The following GC variants were observed in gnomAD, a reference collection of about 807,000 sequenced individuals.
The protein encoded by GC is GC vitamin D binding protein, also known as vitamin D-binding protein.
In GC, 43 loss-of-function variants were observed where a neutral mutation model predicts 56.7. The observed-to-expected ratio is 0.76, with a 90% CI of 0.59 to 0.98. The LOEUF (loss-of-function observed/expected upper bound fraction) is 0.98, where lower values mean the gene tolerates loss of function less well. GC is among the 50% of genes least tolerant of loss of function. The probability of loss-of-function intolerance (pLI) is 0.00; values close to 1 mark genes in which losing one functional copy is unlikely to be tolerated. For synonymous variants in GC, 216 were observed against 202.7 expected (o/e 1.07, Z -0.56); for missense variants, 529 against 545.9 (o/e 0.97, Z 0.31).
intron 10 of GC, among the ~76,000 whole-genome samples, chr4:71,753,036 T>C (rs980339999): frequency 2.6e-5 from 4 of 152,296 alleles, no homozygotes; most frequent in Admixed American, 2.6e-4. Flanking sequence ...TGCCTTTTTT[T>C]CCTCTCATAA....
rs1175351403 is a variant in GC at position 71,799,710 on chromosome 4, C to T, written c.21+4216G>A. Among the ~76,000 whole-genome samples, 9 of 152,182 alleles carry T rather than the reference C, an allele frequency of 5.9e-5. 1 individual carries two copies. The South Asian group carries it at 1.9e-3, about 31-fold the overall frequency. On this transcript the variant is annotated intron_variant, in intron 1 of 13. Coordinates refer to the GC transcript ENST00000504199. ...GATTTTACCTGGGAGGAGAAGCATA[C>T]TCTAGCATAGAGAGCTCTGAATCTC...
intron 1 of GC, among the ~76,000 whole-genome samples, chr4:71,799,158 A>G (rs1328105247): frequency 6.6e-6 from 1 of 152,184 alleles, no homozygotes; most frequent in Non-Finnish European, 1.5e-5. Flanking sequence ...AAGTCTCTGG[A>G]AGTGGTTCTA....
chr4:71,763,339 A>T lies in GC; in HGVS notation c.701+69T>A, dbSNP rs1742046003. 4 of 730,996 alleles carry T rather than the reference A, an allele frequency of 5.5e-6. No individual in the cohort carries two copies. The East Asian group carries it at 1.1e-4, about 19-fold the overall frequency. 45.3% of individuals were successfully genotyped at this position (730,996 alleles called of 1,614,324 possible). On this transcript the variant is annotated intron_variant, in intron 6 of 12. Transcript: ENST00000273951. ...TTCAATATAGACAGCTTCTTAAAAA[A>T]ACCCTAATATTATGGATAGACAGTG...
intron 8 of GC, 74 bp downstream of exon 8, chr4:71,756,638 C>T: frequency 1.1e-6 from 1 of 919,012 alleles, no homozygotes; most frequent in South Asian, 1.4e-5. Context: ...TACCTTCCCT[C>T]CATCTGGCTG....
At chr4:71,793,497 A>C (rs1451199699) in intron 1 of GC, among the ~76,000 whole-genome samples, 3 of 152,136 alleles carry the variant, frequency 2.0e-5, no homozygotes, top group Non-Finnish European at 1.5e-5. Context: ...ATTTTTATAC[A>C]TTGATTTTGT....
upstream of GC, chr4:71,784,092 T>C (rs759485981): frequency 1.3e-6 from 2 of 1,541,568 alleles, no homozygotes; most frequent in South Asian, 2.6e-5. Context: ...CCAAAAGTAA[T>C]TGGTTTCCTT....
At chr4:71,803,715 T>C (rs1192732057) in intron 1 of GC, among the ~76,000 whole-genome samples, 1 of 152,222 alleles carries the variant, frequency 6.6e-6, no homozygotes, top group Non-Finnish European at 1.5e-5. Context: ...TGAATGGATA[T>C]AGATGAGAGC....
At position 71,741,749 on chromosome 4, in the gene GC, T is replaced by C; in HGVS notation, c.*147A>G. On this transcript the variant is annotated 3_prime_UTR_variant, in exon 13 of 13. Transcript: ENST00000273951. ...TGATAGCAAATCATCATACTTGTCA[T>C]TGTATGAAGATATTGTAGCTAGAAA... 1 of 688,018 alleles carries C rather than the reference T, an allele frequency of 1.5e-6. No individual in the cohort carries two copies. The highest frequency in any genetic ancestry group is 2.7e-5 in the East Asian group (1 of 37,168). 42.6% of individuals were successfully genotyped at this position (688,018 alleles called of 1,614,324 possible).
chr4:71,773,033 T>G (rs996188499), intron 1 of GC, among the ~76,000 whole-genome samples: 3 of 152,116 alleles, frequency 2.0e-5, no homozygotes, highest in Admixed American at 1.3e-4. Flanking sequence ...AATAAATGTT[T>G]TTGGTGTAAA....
At chr4:71,749,947 A>C (rs554018280) in intron 11 of GC, among the ~76,000 whole-genome samples, 1 of 152,316 alleles carries the variant, frequency 6.6e-6, no homozygotes, top group Admixed American at 6.5e-5. Context: ...AGAAACCAGA[A>C]TCCCTAAGGT....
chr4:71,803,789 T>C, intron 1 of GC: 1 of 659,944 alleles, frequency 1.5e-6, no homozygotes, highest in Non-Finnish European at 2.7e-6. Context: ...CACTTTCTTA[T>C]ATTTTTAATT....
rs552349013 is a variant in GC, at chr4:71,781,050, C to T, written c.58+2911G>A. Among the ~76,000 whole-genome samples the T allele has an allele frequency of 2.0e-5, 3 of 152,164 alleles. No homozygotes were observed. In the South Asian group the frequency reaches 6.2e-4, roughly 32 times the overall value. On this transcript the variant is annotated intron_variant, in intron 1 of 12. Transcript: ENST00000273951. ...CACATATAGACCATGGAATACTATG[C>T]AGCCATAAAAAAGGATGAGTTCATG...
rs148010639 is a variant in GC, at chr4:71,797,711, G to A, written c.21+6215C>T. On this transcript the variant is annotated intron_variant, in intron 1 of 13. Transcript: ENST00000504199. ...AACCAGTCCCAATGAGATGAACCAG[G>A]TACCGCAGTTGGAAGTGCAGAAATA... is the stretch of plus-strand genomic sequence containing the variant. Among the ~76,000 whole-genome samples the A allele has an allele frequency of 4.5e-4, 68 of 152,320 alleles. No individual in the cohort carries two copies. The East Asian group carries it at 0.012, about 26-fold the overall frequency.
chr4:71,763,333 TA>T (rs1004867259), intron 6 of GC, 74 bp downstream of exon 6: 6 of 710,670 alleles, frequency 8.4e-6, no homozygotes, highest in Admixed American at 2.5e-5. Context: ...GACAGCTTCT[TA>T]AAAAAACCCT....
intron 6 of GC, among the ~76,000 whole-genome samples, chr4:71,760,144 T>C (rs544674961): frequency 6.6e-6 from 1 of 151,182 alleles, no homozygotes; most frequent in African/African-American, 2.4e-5. Flanking sequence ...CCCAGGTTCA[T>C]GCCATTCTCC....
At position 71,799,175 on chromosome 4, in the gene GC, T is replaced by C. The variant is rs534617024; in HGVS notation, c.21+4751A>G. 5.3e-5 allele frequency among the ~76,000 whole-genome samples: 8 copies of C among 152,320 alleles called. No individual in the cohort carries two copies. The South Asian group carries it at 1.4e-3, about 28-fold the overall frequency. ...GTCTCTGGAAGTGGTTCTAGGGGCATATAGCAAATGAAGCATTTACTCAAG... is the reference window on the plus strand; with the variant it reads ...GTCTCTGGAAGTGGTTCTAGGGGCACATAGCAAATGAAGCATTTACTCAAG... On this transcript the variant is annotated intron_variant, in intron 1 of 13. Transcript: ENST00000504199.
At chr4:71,747,166 G>T (rs1226081728) in intron 11 of GC, among the ~76,000 whole-genome samples, 2 of 152,124 alleles carry the variant, frequency 1.3e-5, no homozygotes, top group Non-Finnish European at 2.9e-5. Flanking sequence ...AAACATAAGA[G>T]CAGTTTATAG....
intron 11 of GC, 27 bp downstream of exon 11, chr4:71,752,491 G>C: frequency 6.3e-7 from 1 of 1,594,274 alleles, no homozygotes; most frequent in Non-Finnish European, 8.6e-7. Flanking sequence ...ATTCTGCCAT[G>C]TTAAGTGGAG....
intron 8 of GC, among the ~76,000 whole-genome samples, chr4:71,755,367 T>C (rs910738981): frequency 2.0e-5 from 3 of 151,984 alleles, no homozygotes; most frequent in African/African-American, 7.2e-5. Context: ...TTCACCATGT[T>C]GGCTAGGGTG....
Sources: gnomAD v4.1 joint callset for allele counts (sites outside exome capture counted in the v4.1 genomes callset) on GRCh38, gnomAD v4.1.1 for gene constraint, MANE v1.5 for transcripts, NCBI Gene and HGNC (gene_info 2026-07-23, HGNC 2026-07-21) for gene names.